The following AKAP6 variants were observed in gnomAD, a reference collection of about 807,000 sequenced individuals.
AKAP6 encodes the protein A-kinase anchor protein 6.
A neutral mutation model predicts 188.5 loss-of-function variants in AKAP6; 58 were observed. That is an observed-to-expected ratio of 0.31 (90% CI 0.25 to 0.38). AKAP6 has a LOEUF of 0.38. AKAP6 is among the 10% of genes least tolerant of loss of function. The probability of loss-of-function intolerance (pLI) is 1.00; values close to 1 mark genes in which losing one functional copy is unlikely to be tolerated. For missense variants in AKAP6, 2,710 were observed against 2,740.0 expected (o/e 0.99, Z 0.24); for synonymous variants, 989 against 998.6 (o/e 0.99, Z 0.18).
chr14:32,833,999 A>T lies in AKAP6; in HGVS notation c.*4194A>T, dbSNP rs1235547264. 1 of 152,222 alleles carries T rather than the reference A, an allele frequency of 6.6e-6. No individual in the cohort carries two copies. Among genetic ancestry groups the T allele is most frequent in the Non-Finnish European group, 1.5e-5 (1 of 68,050 alleles). The allele number at this position is 152,222 out of a possible 1,614,324, so 9.4% of individuals were successfully genotyped here. A position where few individuals can be genotyped will look rare whatever the true frequency, so the allele number is the denominator to read the frequency against. ...GTATGATTAAATCATTTGAAATTAA[A>T]TTGTAGAGTATGATACTTCATCTGC... is the stretch of plus-strand genomic sequence containing the variant. On this transcript the variant is annotated 3_prime_UTR_variant, in exon 14 of 14. Transcript: ENST00000280979.
At chr14:32,420,223 A>G (rs1889796401) in intron 1 of AKAP6, among the ~76,000 whole-genome samples, 1 of 152,142 alleles carries the variant, frequency 6.6e-6, no homozygotes, top group Non-Finnish European at 1.5e-5. Flanking sequence ...AACTACCTCT[A>G]TCTTGAAACA....
chr14:32,641,213 T>C (rs1887739289), intron 7 of AKAP6, among the ~76,000 whole-genome samples: 2 of 152,108 alleles, frequency 1.3e-5, no homozygotes, highest in Admixed American at 1.3e-4. Context: ...AAATCTGGTA[T>C]GCTTAGTGTT....
At chr14:32,805,629 A>C (rs1281192534) in intron 12 of AKAP6, among the ~76,000 whole-genome samples, 1 of 152,214 alleles carries the variant, frequency 6.6e-6, no homozygotes, top group Non-Finnish European at 1.5e-5. Context: ...GTCACATTTA[A>C]ATTTTGACTA....
intron 8 of AKAP6, among the ~76,000 whole-genome samples, chr14:32,685,152 C>G (rs1227343940): frequency 6.6e-6 from 1 of 151,858 alleles, no homozygotes; most frequent in Non-Finnish European, 1.5e-5. Flanking sequence ...TGGTCCCAGC[C>G]ACCTAGGAGG....
intron 1 of AKAP6, among the ~76,000 whole-genome samples, chr14:32,338,995 G>A (rs76657953): frequency 0.059 from 8,923 of 152,108 alleles, 380 homozygotes; most frequent in South Asian, 0.12. Context: ...TATTTATACT[G>A]TGTCAAGCAT....
In AKAP6 at chr14:32,704,427, A is replaced by C. The variant is rs1384286314; in HGVS notation, c.3000+8317A>C. Among the ~76,000 whole-genome samples the C allele has an allele frequency of 3.3e-5, 5 of 152,176 alleles. No individual in the cohort carries two copies. In the South Asian group the frequency reaches 6.2e-4, roughly 19 times the overall value. ...AGAAAAGAAAGTAGAGGAACATTTAAATTTCTGATAAGAAAAGGTTTTTGG... is the reference window on the plus strand; with the variant it reads ...AGAAAAGAAAGTAGAGGAACATTTACATTTCTGATAAGAAAAGGTTTTTGG... On this transcript the variant is annotated intron_variant, in intron 9 of 13. Transcript: ENST00000280979.
rs552238443 is a variant in AKAP6 at position 32,525,635 on chromosome 14, CTGAG to C, written c.325-9917_325-9914del. ...TGTCAGTGACTGCTGACATTACTTGCTGAGTAAGTGCCAATTAGTGTAAATATAC... is the reference window on the plus strand; with the variant it reads ...TGTCAGTGACTGCTGACATTACTTGCTAAGTGCCAATTAGTGTAAATATAC... On this transcript the variant is annotated intron_variant, in intron 2 of 13. Transcript: ENST00000280979. Among the ~76,000 whole-genome samples the C allele has an allele frequency of 1.4e-4, 21 of 152,328 alleles. 1 individual carries two copies. The South Asian group carries it at 3.9e-3, about 29-fold the overall frequency.
intron 1 of AKAP6, among the ~76,000 whole-genome samples, chr14:32,413,830 C>G (rs939430786): frequency 6.6e-6 from 1 of 151,790 alleles, no homozygotes; most frequent in African/African-American, 2.4e-5. Flanking sequence ...GAGCCCAAAG[C>G]AGAGACAGAC....
rs77905134 is a variant in AKAP6 at position 32,480,987 on chromosome 14, T to C, written c.324+47170T>C. On this transcript the variant is annotated intron_variant, in intron 2 of 13. Coordinates refer to ENST00000280979, the MANE Select transcript of AKAP6 (RefSeq NM_004274.5). ...CAACAGATAAGTGAGAATTCTCTTT[T>C]CATGTTCTGTAGAGATAACTCCTAT... is the stretch of plus-strand genomic sequence containing the variant. Among the ~76,000 whole-genome samples the C allele has an allele frequency of 0.029, 4,344 of 152,326 alleles. 378 individuals carry two copies. The East Asian group carries it at 0.32, about 11-fold the overall frequency.
intron 7 of AKAP6, among the ~76,000 whole-genome samples, chr14:32,667,101 T>C (rs1419746436): frequency 6.6e-6 from 1 of 152,114 alleles, no homozygotes; most frequent in Non-Finnish European, 1.5e-5. Flanking sequence ...GCTCTTTGTT[T>C]TGAGGGTAAT....
chr14:32,581,847 G>A (rs1049236740), intron 5 of AKAP6, among the ~76,000 whole-genome samples: 12 of 151,984 alleles, frequency 7.9e-5, no homozygotes, highest in African/African-American at 2.9e-4. Context: ...CATTTGCTTG[G>A]TAGATCTTCC....
At chr14:32,408,752 C>T (rs1889378057) in intron 1 of AKAP6, among the ~76,000 whole-genome samples, 1 of 151,652 alleles carries the variant, frequency 6.6e-6, no homozygotes, top group Non-Finnish European at 1.5e-5. Flanking sequence ...TTTGTGCCTT[C>T]ACTCTAATGG....
chr14:32,647,791 T>A (rs1888044754), intron 7 of AKAP6, among the ~76,000 whole-genome samples: 1 of 152,122 alleles, frequency 6.6e-6, no homozygotes. Flanking sequence ...AACATAATTC[T>A]AGTCTGCCCA....
intron 2 of AKAP6, among the ~76,000 whole-genome samples, chr14:32,435,384 T>C (rs963677196): frequency 6.6e-6 from 1 of 152,232 alleles, no homozygotes; most frequent in Non-Finnish European, 1.5e-5. Flanking sequence ...ATTAACTTTA[T>C]TGAATTACAT....
intron 2 of AKAP6, among the ~76,000 whole-genome samples, chr14:32,517,940 G>A (rs562419507): frequency 1.3e-5 from 2 of 152,312 alleles, no homozygotes; most frequent in Non-Finnish European, 2.9e-5. Flanking sequence ...TGGGAGACAC[G>A]TCCCAGAAGG....
At chr14:32,424,136 G>A (rs1957012) in intron 1 of AKAP6, among the ~76,000 whole-genome samples, 143,746 of 152,242 alleles carry the variant, frequency 0.94, 67,877 homozygotes, top group Admixed American at 0.97. Flanking sequence ...TTCTTGGTAA[G>A]TAAGAGTGCA....
intron 7 of AKAP6, among the ~76,000 whole-genome samples, chr14:32,640,639 C>T (rs1230167346): frequency 1.3e-5 from 2 of 152,174 alleles, no homozygotes; most frequent in Non-Finnish European, 2.9e-5. Context: ...CCAACTTGCT[C>T]TTGCCTGTGC....
chr14:32,586,516 G>T (rs1885258055), intron 5 of AKAP6, among the ~76,000 whole-genome samples: 2 of 152,036 alleles, frequency 1.3e-5, no homozygotes, highest in African/African-American at 4.8e-5. Context: ...AGTCCCAGCT[G>T]CTCAGGAGGC....
chr14:32,749,576 A>T (rs1033164974), intron 11 of AKAP6, among the ~76,000 whole-genome samples: 1 of 152,248 alleles, frequency 6.6e-6, no homozygotes, highest in African/African-American at 2.4e-5. Flanking sequence ...CCATTTATGA[A>T]TTTCAGCCTG....
Sources: gnomAD v4.1 joint callset for allele counts (sites outside exome capture counted in the v4.1 genomes callset) on GRCh38, gnomAD v4.1.1 for gene constraint, MANE v1.5 for transcripts, NCBI Gene and HGNC (gene_info 2026-07-23, HGNC 2026-07-21) for gene names.